The following ANGEL2 variants were observed in gnomAD, a reference collection of about 807,000 sequenced individuals.
The protein encoded by ANGEL2 is RNA 2',3'-cyclic phosphatase ANGEL2.
ANGEL2 carries 41 observed loss-of-function variants against 66.0 expected under a neutral mutation model. The ratio of observed to expected loss-of-function variants is 0.62; its 90% confidence interval spans 0.48 to 0.81. The LOEUF is 0.81. ANGEL2 is among the 30% of genes least tolerant of loss of function. The pLI, the probability that ANGEL2 is intolerant of heterozygous loss-of-function variation, is 0.00. For missense variants in ANGEL2, 561 were observed against 641.6 expected (o/e 0.87, Z 1.36); for synonymous variants, 208 against 226.5 (o/e 0.92, Z 0.73).
At position 213,000,420 on chromosome 1, in the gene ANGEL2, T is replaced by C. The variant is rs768414022; in HGVS notation, c.1262-37A>G. 2.5e-6 allele frequency: 4 copies of C among 1,572,276 alleles called. No homozygotes were observed. The East Asian group carries it at 6.7e-5, about 26-fold the overall frequency. On this transcript the variant is annotated intron_variant, in intron 6 of 8. Coordinates refer to ENST00000366962, the MANE Select transcript of ANGEL2 (RefSeq NM_144567.5). The stretch of plus-strand genomic sequence containing the variant: ...GAGGAAAATATATTAATGTTATTGT[T>C]CTAGTTTGCCTTAATATCGTCATCT...
chr1:213,000,287 A>C, intron 7 of ANGEL2, 39 bp downstream of exon 7: 1 of 1,554,616 alleles, frequency 6.4e-7, no homozygotes, highest in Non-Finnish European at 8.8e-7. Context: ...TTATTCAACT[A>C]AAGTTAGCAA....
chr1:213,009,908 G>T (rs770042622), intron 2 of ANGEL2, among the ~76,000 whole-genome samples: 1 of 151,930 alleles, frequency 6.6e-6, no homozygotes, highest in Non-Finnish European at 1.5e-5. Flanking sequence ...AAAATTAGTC[G>T]GGTGTGGTGG....
At chr1:212,997,031 G>T in intron 8 of ANGEL2, 124 bp downstream of exon 8, 1 of 889,510 alleles carries the variant, frequency 1.1e-6, no homozygotes, top group Non-Finnish European at 1.7e-6. Flanking sequence ...TGTCTATTTC[G>T]AAATATTTTT....
Position 213,005,198 on chromosome 1 carries a change from C to A in ANGEL2, c.969G>T (p.Thr323=), listed in dbSNP as rs148141428. 3 of 1,614,202 alleles carry A rather than the reference C, an allele frequency of 1.9e-6. No individual in the cohort carries two copies. The highest frequency in any genetic ancestry group is 2.5e-6 in the Non-Finnish European group (3 of 1,180,030). The change falls in exon 5 of 9, where the codon ACG becomes ACT. Residue 323 remains threonine (T), a synonymous_variant. Transcript: ENST00000366962. ...TCTCTGCCAGTAGCATTGCCAATTG[C>A]GTCAGCTTAATATCACCTCGCCTTG... is the stretch of plus-strand genomic sequence containing the variant. ...YNPRRGDIKL[T]QLAMLLAEIS... is the part of the protein sequence containing the mutation.
At chr1:213,003,510 G>A (rs751870684) in intron 5 of ANGEL2, among the ~76,000 whole-genome samples, 40 of 152,134 alleles carry the variant, frequency 2.6e-4, no homozygotes, top group Non-Finnish European at 4.4e-4. Flanking sequence ...TTTCAATATG[G>A]TTGTGCTTCA....
chr1:213,013,735 G>A (rs2076567613), intron 1 of ANGEL2, among the ~76,000 whole-genome samples: 1 of 152,180 alleles, frequency 6.6e-6, no homozygotes, highest in African/African-American at 2.4e-5. Context: ...GATATTCAGA[G>A]TAGCTTTCAA....
At chr1:212,997,668 A>G (rs1489493361) in intron 7 of ANGEL2, among the ~76,000 whole-genome samples, 1 of 152,174 alleles carries the variant, frequency 6.6e-6, no homozygotes, top group East Asian at 1.9e-4. Context: ...CTTCAGGAAC[A>G]CTATTTGGAA....
In ANGEL2 at chr1:212,992,772, ATGTT is replaced by A. The variant is rs1454787619; in HGVS notation, c.*2265_*2268del. 7.2e-5 allele frequency: 11 copies of A among 152,204 alleles called. No homozygotes were observed. Among genetic ancestry groups the A allele is most frequent in the Admixed American group, 1.3e-4 (2 of 15,280 alleles). 9.4% of individuals were successfully genotyped at this position (152,204 alleles called of 1,614,324 possible). A position where few individuals can be genotyped will look rare whatever the true frequency, so the allele number is the denominator to read the frequency against. On this transcript the variant is annotated 3_prime_UTR_variant, in exon 9 of 9. Transcript: ENST00000366962. ...TAAATTTTCACAGAGGTTTTCAGGG[ATGTT>A]TGTTTGTTAACAATGACCTATATGT...
At chr1:212,997,353 T>C (rs765212983) in intron 7 of ANGEL2, 35 bp from the exon 8 acceptor site, 57 of 1,556,214 alleles carry the variant, frequency 3.7e-5, no homozygotes, top group Non-Finnish European at 4.9e-5. Flanking sequence ...AGAATCCGAG[T>C]TTTTGTAACT....
At chr1:213,011,668 A>C (rs2148177738) in intron 2 of ANGEL2, among the ~76,000 whole-genome samples, 1 of 152,308 alleles carries the variant, frequency 6.6e-6, no homozygotes, top group East Asian at 1.9e-4. Flanking sequence ...AAAATCAAGG[A>C]GCAAAGAGGT....
chr1:213,000,948 G>A (rs754069766), intron 5 of ANGEL2, 36 bp from the exon 6 acceptor site: 2 of 1,594,224 alleles, frequency 1.3e-6, no homozygotes, highest in Non-Finnish European at 1.7e-6. Flanking sequence ...TAAGTGAAAA[G>A]ATTTTAAATA....
intron 2 of ANGEL2, among the ~76,000 whole-genome samples, chr1:213,009,463 A>G (rs1433624464): frequency 6.6e-6 from 1 of 152,246 alleles, no homozygotes; most frequent in Non-Finnish European, 1.5e-5. Flanking sequence ...GTATGATTAA[A>G]TTATATAAAA....
At chr1:213,011,825 T>G (rs2076517069) in intron 2 of ANGEL2, among the ~76,000 whole-genome samples, 1 of 152,246 alleles carries the variant, frequency 6.6e-6, no homozygotes, top group Non-Finnish European at 1.5e-5. Context: ...AGGAGTGTGC[T>G]GACCTGATGG....
chr1:213,004,780 A>G (rs2076273063), intron 5 of ANGEL2, among the ~76,000 whole-genome samples: 1 of 150,404 alleles, frequency 6.6e-6, no homozygotes, highest in Non-Finnish European at 1.5e-5. Context: ...AGGCAGGAGA[A>G]TCACTTGAAC....
At chr1:213,006,191 G>T (rs1352672788) in intron 4 of ANGEL2, among the ~76,000 whole-genome samples, 1 of 152,160 alleles carries the variant, frequency 6.6e-6, no homozygotes, top group Non-Finnish European at 1.5e-5. Context: ...GCCAGGCGTG[G>T]TGGCTCACGC....
In ANGEL2 at chr1:213,015,847, G is replaced by A; in HGVS notation, c.-176C>T. On this transcript the variant is annotated 5_prime_UTR_variant, in exon 1 of 9. Transcript: ENST00000366962. The stretch of plus-strand genomic sequence containing the variant: ...CGCCGGCCGGCCTACACTCCATCTT[G>A]CGCAGTCAGAGTCCCTGAATGCCTT... The A allele has an allele frequency of 4.1e-6, 3 of 739,548 alleles. No individual in the cohort carries two copies. Among genetic ancestry groups the A allele is most frequent in the Non-Finnish European group, 6.6e-6 (3 of 456,022 alleles). The allele number at this position is 739,548 out of a possible 1,614,324, so 45.8% of individuals were successfully genotyped here. A position where few individuals can be genotyped will look rare whatever the true frequency, so the allele number is the denominator to read the frequency against.
chr1:213,005,261 A>C lies in ANGEL2; in HGVS notation c.906T>G (p.Pro302=). Residue 302 remains proline (P), a synonymous_variant, in exon 5 of 9, where the codon CCT becomes CCG. Transcript: ENST00000366962. ...LQPKIPYAAC[P]AICVANTHLL... is the part of the protein sequence containing the mutation. ...GATGCGTATTTGCTACGCAGATTGC[A>C]GGGCAGGCAGCATATGGAATTTTGG... The C allele has an allele frequency of 6.2e-7, 1 of 1,614,254 alleles. No homozygotes were observed.
Position 212,996,135 on chromosome 1 carries a change from G to A in ANGEL2, c.1484-943C>T, listed in dbSNP as rs549437940. ...ATCCTGGCCAACACGGTGAAATCCC[G>A]TCTCTACTAAAAATACAAAAAATTA... On this transcript the variant is annotated intron_variant, in intron 8 of 8. Coordinates refer to ENST00000366962, the MANE Select transcript of ANGEL2 (RefSeq NM_144567.5). Among the ~76,000 whole-genome samples, 12 of 152,054 alleles carry A rather than the reference G, an allele frequency of 7.9e-5. 1 individual carries two copies. The highest frequency in any genetic ancestry group is 2.4e-4 in the African/African-American group (10 of 41,476).
intron 5 of ANGEL2, among the ~76,000 whole-genome samples, chr1:213,002,557 ACTT>A (rs746937618): frequency 1.2e-4 from 19 of 152,214 alleles, no homozygotes; most frequent in South Asian, 2.1e-4. Context: ...CCAGGCACTG[ACTT>A]CTTCTTTCTA....
Sources: gnomAD v4.1 joint callset for allele counts (sites outside exome capture counted in the v4.1 genomes callset) on GRCh38, gnomAD v4.1.1 for gene constraint, MANE v1.5 for transcripts, NCBI Gene and HGNC (gene_info 2026-07-23, HGNC 2026-07-21) for gene names.